GPR39: variants seen among roughly 807,000 people sequenced by gnomAD.
GPR39 encodes G protein-coupled receptor 39, also known as zinc sensing receptor.
A neutral mutation model predicts 18.4 loss-of-function variants in GPR39; 23 were observed. The observed-to-expected ratio is 1.25, with a 90% CI of 0.90 to 1.77. The LOEUF is 1.77. Among genes scored for constraint, GPR39 ranks in the 40% most tolerant of loss-of-function variants. GPR39 has a pLI of 0.00. For missense variants in GPR39, 647 were observed against 602.4 expected, an observed-to-expected ratio of 1.07 and a Z score of -0.78; for synonymous variants, 280 against 257.9, an observed-to-expected ratio of 1.09 and a Z score of -0.82.
chr2:132,507,846 A>T (rs1329381365), intron 1 of GPR39, among the ~76,000 whole-genome samples: 1 of 152,218 alleles, frequency 6.6e-6, no homozygotes, highest in Non-Finnish European at 1.5e-5. Context: ...GAAGAGAAGC[A>T]CAGGGCAGAG....
At chr2:132,451,897 CA>C (rs1275511352) in intron 1 of GPR39, among the ~76,000 whole-genome samples, 3 of 152,178 alleles carry the variant, frequency 2.0e-5, no homozygotes, top group African/African-American at 7.2e-5. Context: ...CAGTCTTCTT[CA>C]CTAGGCCTTT....
intron 1 of GPR39, among the ~76,000 whole-genome samples, chr2:132,427,538 A>G (rs980259321): frequency 1.3e-5 from 2 of 150,816 alleles, no homozygotes; most frequent in Admixed American, 6.6e-5. Context: ...ATATAACATA[A>G]TATCTTATAC....
intron 1 of GPR39, among the ~76,000 whole-genome samples, chr2:132,599,754 G>A (rs1681007066): frequency 9.6e-6 from 1 of 104,126 alleles, no homozygotes; most frequent in African/African-American, 3.2e-5. Context: ...CTAGTGGGTT[G>A]AGGAGTGCAA....
chr2:132,557,171 T>G (rs1680168398), intron 1 of GPR39, among the ~76,000 whole-genome samples: 1 of 152,018 alleles, frequency 6.6e-6, no homozygotes, highest in African/African-American at 2.4e-5. Flanking sequence ...ATACAAAAAT[T>G]AGCTGGGCAT....
chr2:132,629,663 G>T (rs1180759450), intron 1 of GPR39, among the ~76,000 whole-genome samples: 1 of 152,190 alleles, frequency 6.6e-6, no homozygotes, highest in Admixed American at 6.5e-5. Context: ...GTCGTTCCTG[G>T]TCTAAAAGCC....
chr2:132,543,052 G>A (rs1431943144), intron 1 of GPR39, among the ~76,000 whole-genome samples: 1 of 152,152 alleles, frequency 6.6e-6, no homozygotes, highest in Admixed American at 6.5e-5. Flanking sequence ...AGATAATGAT[G>A]CAGGACTTTT....
At chr2:132,615,679 A>C (rs1681321392) in intron 1 of GPR39, among the ~76,000 whole-genome samples, 1 of 152,198 alleles carries the variant, frequency 6.6e-6, no homozygotes, top group African/African-American at 2.4e-5. Flanking sequence ...CTCTAGCAAG[A>C]GGGATTAGTT....
intron 1 of GPR39, among the ~76,000 whole-genome samples, chr2:132,478,288 G>A (rs1033293175): frequency 1.1e-4 from 16 of 152,228 alleles, no homozygotes; most frequent in African/African-American, 3.6e-4. Flanking sequence ...TAAATAAAGT[G>A]TCCAGAATAG....
intron 1 of GPR39, among the ~76,000 whole-genome samples, chr2:132,564,241 G>T (rs1680307981): frequency 6.6e-6 from 1 of 152,096 alleles, no homozygotes; most frequent in African/African-American, 2.4e-5. Context: ...TAAACCCTTT[G>T]ATACCAAGGG....
chr2:132,569,277 C>T (rs776497875), intron 1 of GPR39, among the ~76,000 whole-genome samples: 68 of 152,114 alleles, frequency 4.5e-4, no homozygotes, highest in Non-Finnish European at 7.6e-4. Context: ...ACAAGTTTTT[C>T]CTGTGGTCCC....
chr2:132,602,745 C>CT (rs1201166776), intron 1 of GPR39, among the ~76,000 whole-genome samples: 1 of 150,282 alleles, frequency 6.7e-6, no homozygotes, highest in Admixed American at 6.6e-5. Context: ...AGACATTTCT[C>CT]TAAAAAAAAA....
intron 1 of GPR39, among the ~76,000 whole-genome samples, chr2:132,592,078 C>T (rs1680855764): frequency 6.6e-6 from 1 of 152,168 alleles, no homozygotes; most frequent in African/African-American, 2.4e-5. Flanking sequence ...TCATTAAATG[C>T]CAAGTGGTAT....
intron 1 of GPR39, among the ~76,000 whole-genome samples, chr2:132,508,461 C>A (rs1246115425): frequency 6.6e-6 from 1 of 151,830 alleles, no homozygotes; most frequent in East Asian, 1.9e-4. Context: ...AGAAGGGCTG[C>A]CCTCCGAGAA....
At chr2:132,466,274 T>G (rs887086308) in intron 1 of GPR39, among the ~76,000 whole-genome samples, 2 of 152,260 alleles carry the variant, frequency 1.3e-5, no homozygotes, top group African/African-American at 2.4e-5. Flanking sequence ...GAATTAATTT[T>G]TCATCCAGAA....
At chr2:132,580,024 A>G (rs1013811452) in intron 1 of GPR39, among the ~76,000 whole-genome samples, 9 of 152,256 alleles carry the variant, frequency 5.9e-5, no homozygotes, top group African/African-American at 2.2e-4. Context: ...GTTAAAATTC[A>G]GAGCTTTTGA....
intron 1 of GPR39, among the ~76,000 whole-genome samples, chr2:132,539,552 A>T (rs1475860087): frequency 6.6e-6 from 1 of 152,060 alleles, no homozygotes; most frequent in Admixed American, 6.6e-5. Context: ...TGGGATAGAG[A>T]AGTTGTTCTG....
At chr2:132,622,265 AC>A (rs1426068228) in intron 1 of GPR39, among the ~76,000 whole-genome samples, 1 of 152,072 alleles carries the variant, frequency 6.6e-6, no homozygotes, top group East Asian at 1.9e-4. Context: ...GTGGTGGCGC[AC>A]ACCTATAATC....
At chr2:132,576,785 A>G (rs1295021714) in intron 1 of GPR39, among the ~76,000 whole-genome samples, 2 of 152,192 alleles carry the variant, frequency 1.3e-5, no homozygotes, top group Non-Finnish European at 2.9e-5. Flanking sequence ...AATTTCACAT[A>G]AGGGTGTGAG....
At chr2:132,474,194 C>T (rs1240851099) in intron 1 of GPR39, among the ~76,000 whole-genome samples, 3 of 152,192 alleles carry the variant, frequency 2.0e-5, no homozygotes, top group African/African-American at 7.2e-5. Context: ...CGAAGTTACC[C>T]AGCAAATGTT....
Sources: allele counts gnomAD v4.1 joint callset (sites outside exome capture counted in the v4.1 genomes callset), GRCh38; gene constraint gnomAD v4.1.1; transcripts MANE v1.5; gene names NCBI Gene and HGNC (gene_info 2026-07-23, HGNC 2026-07-21).